UROS: variants seen among roughly 807,000 people sequenced by gnomAD.
The protein encoded by UROS is uroporphyrinogen III synthase.
In UROS, 18 loss-of-function variants were observed where a neutral mutation model predicts 33.0. That is an observed-to-expected ratio of 0.55 (90% CI 0.38 to 0.81). UROS has a LOEUF of 0.81. UROS is among the 30% of genes least tolerant of loss of function. The pLI, the probability that UROS is intolerant of heterozygous loss-of-function variation, is 0.00. For missense variants in UROS, 293 were observed against 314.9 expected, an observed-to-expected ratio of 0.93 and a Z score of 0.53; for synonymous variants, 114 against 121.1, an observed-to-expected ratio of 0.94 and a Z score of 0.38.
intron 1 of UROS, among the ~76,000 whole-genome samples, chr10:125,821,682 G>A (rs903236990): frequency 6.6e-6 from 1 of 152,188 alleles, no homozygotes; most frequent in East Asian, 1.9e-4. Context: ...ATTGGCTATG[G>A]TATCTCAGTG....
chr10:125,796,308 G>T (rs1851358827), intron 7 of UROS, 120 bp from the exon 8 acceptor site: 1 of 1,011,788 alleles, frequency 9.9e-7, no homozygotes, highest in Non-Finnish European at 1.6e-6. Context: ...GGAACGAGCT[G>T]CTTGGAAGCT....
chr10:125,822,154 G>A (rs953092596), intron 1 of UROS, among the ~76,000 whole-genome samples: 2 of 152,114 alleles, frequency 1.3e-5, no homozygotes, highest in African/African-American at 2.4e-5. Flanking sequence ...CTAGAAAGCT[G>A]ATGAACCCTG....
rs59115650 is a variant in UROS, at chr10:125,804,840, G to T, written c.394+2573C>A. On this transcript the variant is annotated intron_variant, in intron 6 of 9. Coordinates refer to ENST00000368797, the MANE Select transcript of UROS (RefSeq NM_000375.3). ...TCCACCCTGCCTTATCACGGTTACT[G>T]ATGTATATGTTCCCCACCCTACCCC... is the stretch of plus-strand genomic sequence containing the variant. 2.9e-3 allele frequency among the ~76,000 whole-genome samples: 440 copies of T among 152,304 alleles called. 6 individuals carry two copies. Among genetic ancestry groups the T allele is most frequent in the African/African-American group, 0.01 (426 of 41,556 alleles).
rs972957245 is a variant in UROS, at chr10:125,823,236, C to T, written c.-234G>A. The T allele has an allele frequency of 8.2e-6, 2 of 244,606 alleles. No homozygotes were observed. The highest frequency in any genetic ancestry group is 4.5e-5 in the African/African-American group (2 of 44,328). The allele number at this position is 244,606 out of a possible 1,614,324, so 15.2% of individuals were successfully genotyped here. On this transcript the variant is annotated 5_prime_UTR_variant, in exon 1 of 10. Coordinates refer to ENST00000368797, the MANE Select transcript of UROS (RefSeq NM_000375.3). ...GACTGGGGTCGCGTGGGTGGCTGCG[C>T]GCAGCTAGGCGCTCGCGCATGCGCA...
At position 125,816,193 on chromosome 10, in the gene UROS, G is replaced by C. The variant is rs773818595; in HGVS notation, c.131C>G (p.Pro44Arg). 5 of 1,614,068 alleles carry C rather than the reference G, an allele frequency of 3.1e-6. No individual in the cohort carries two copies. In the East Asian group the frequency reaches 1.1e-4, roughly 36 times the overall value. The change falls in exon 3 of 10, where the codon CCC becomes CGC. Residue 44 changes from proline (P) to arginine (R), a missense_variant. By Grantham distance (103) the Pro-to-Arg change is moderately radical (BLOSUM62 -2). Transcript: ENST00000368797. Reference sequence around the variant, plus strand: ...AGGCCTTACCTTCTCAGAGAAACTGGGAAGAGACAAAAACTCAAACGATAA... The same window carrying C: ...AGGCCTTACCTTCTCAGAGAAACTGCGAAGAGACAAAAACTCAAACGATAA... ...PVLSFEFLSLPSFSEKLSHPE... is the reference protein window; with the variant it reads ...PVLSFEFLSLRSFSEKLSHPE...
rs1589906527 is a variant in UROS, at chr10:125,788,883, G to A, written c.783C>T (p.Pro261=). The part of the protein sequence containing the change: ...LATGIRKALQ[P]HGCC ...GGTGGCTGACTCAGCAGCAGCCATG[G>A]GGCTGGAGAGCCTTCCTGATGCCAG... Residue 261 remains proline (P), a synonymous_variant, in exon 10 of 10, where the codon CCC becomes CCT. Coordinates refer to ENST00000368797, the MANE Select transcript of UROS (RefSeq NM_000375.3). 1 of 1,594,178 alleles carries A rather than the reference G, an allele frequency of 6.3e-7. No homozygotes were observed. The highest frequency in any genetic ancestry group is 8.5e-7 in the Non-Finnish European group (1 of 1,172,312).
chr10:125,817,528 C>T (rs981700728), intron 1 of UROS, among the ~76,000 whole-genome samples: 2 of 151,932 alleles, frequency 1.3e-5, no homozygotes. Context: ...TATGACTTAA[C>T]CATGGTGTGA....
At position 125,795,999 on chromosome 10, in the gene UROS, G is replaced by C. The variant is rs1851318891; in HGVS notation, c.561+104C>G. 7 of 1,025,740 alleles carry C rather than the reference G, an allele frequency of 6.8e-6. No individual in the cohort carries two copies. In the South Asian group the frequency reaches 8.9e-5, roughly 13 times the overall value. 63.5% of individuals were successfully genotyped at this position (1,025,740 alleles called of 1,614,324 possible). A position where few individuals can be genotyped will look rare whatever the true frequency, so the allele number is the denominator to read the frequency against. On this transcript the variant is annotated intron_variant, in intron 8 of 9. Transcript: ENST00000368797. ...GGCATGCAGGTGACAGCTGGGGACA[G>C]TGAAACCACATATAGAACCAACATC... is the stretch of plus-strand genomic sequence containing the variant.
In UROS at chr10:125,802,722, G is replaced by A; in HGVS notation, c.395-4577C>T. 7 of 1,381,272 alleles carry A rather than the reference G, an allele frequency of 5.1e-6. No homozygotes were observed. In the South Asian group the frequency reaches 9.7e-5, roughly 19 times the overall value. The allele number at this position is 1,381,272 out of a possible 1,614,324, so 85.6% of individuals were successfully genotyped here. ...CATGAAACATTCTAGAGAAAGCCTAGCAGTATCTCTTTAGGTACAGCCCAG... is the reference window on the plus strand; with the variant it reads ...CATGAAACATTCTAGAGAAAGCCTAACAGTATCTCTTTAGGTACAGCCCAG... On this transcript the variant is annotated intron_variant, in intron 6 of 9. Transcript: ENST00000368797.
chr10:125,823,255 A>C lies in UROS; in HGVS notation c.-253T>G. The C allele has an allele frequency of 1.1e-5, 3 of 281,580 alleles. No homozygotes were observed. The highest frequency in any genetic ancestry group is 5.1e-5 in the Admixed American group (1 of 19,472). The allele number at this position is 281,580 out of a possible 1,614,324, so 17.4% of individuals were successfully genotyped here. A position where few individuals can be genotyped will look rare whatever the true frequency, so the allele number is the denominator to read the frequency against. ...GCTGCGCGCAGCTAGGCGCTCGCGC[A>C]TGCGCACCGCCATCCAGGCCACGGA... On this transcript the variant is annotated 5_prime_UTR_variant, in exon 1 of 10. The change abolishes an upstream ATG in the 5' untranslated region. Transcript: ENST00000368797.
chr10:125,810,665 G>A (rs1200551013), intron 5 of UROS, among the ~76,000 whole-genome samples: 1 of 152,186 alleles, frequency 6.6e-6, no homozygotes, highest in Non-Finnish European at 1.5e-5. Context: ...AGCTGTTGGT[G>A]CTCAACTTCT....
At chr10:125,813,234 C>A (rs1852970626) in intron 4 of UROS, among the ~76,000 whole-genome samples, 1 of 152,118 alleles carries the variant, frequency 6.6e-6, no homozygotes, top group South Asian at 2.1e-4. Flanking sequence ...CGTGTGTGTC[C>A]CAGGTAAGTC....
In UROS at chr10:125,815,756, C is replaced by A. The variant is rs139179438; in HGVS notation, c.147+421G>T. ...AGAAGCCCTGGGTTTGAGTCCCAGC[C>A]CTGTCTCTTACTTGCTAGAGGTCTT... On this transcript the variant is annotated intron_variant, in intron 3 of 9. Transcript: ENST00000368797. 6.2e-3 allele frequency among the ~76,000 whole-genome samples: 949 copies of A among 152,316 alleles called. 10 individuals carry two copies. The Middle Eastern group carries it at 0.085, about 14-fold the overall frequency.
chr10:125,821,275 TC>T (rs1177415128), intron 1 of UROS, among the ~76,000 whole-genome samples: 1 of 152,194 alleles, frequency 6.6e-6, no homozygotes, highest in Non-Finnish European at 1.5e-5. Context: ...CAAAATGTGG[TC>T]TATACATGCA....
intron 1 of UROS, among the ~76,000 whole-genome samples, chr10:125,819,183 C>T (rs749851999): frequency 4.7e-4 from 71 of 152,170 alleles, no homozygotes; most frequent in Non-Finnish European, 1.5e-4. Context: ...GGGGTTTCAG[C>T]ATGTTGGCCA....
chr10:125,815,238 C>T (rs1853204852), intron 3 of UROS, 108 bp from the exon 4 acceptor site: 9 of 1,213,616 alleles, frequency 7.4e-6, no homozygotes, highest in Non-Finnish European at 1.1e-5. Context: ...AGTAGGCAAA[C>T]TAATTCCTTC....
At chr10:125,790,968 T>C (rs539980228) in intron 9 of UROS, among the ~76,000 whole-genome samples, 2 of 144,480 alleles carry the variant, frequency 1.4e-5, no homozygotes, top group Admixed American at 1.4e-4. Flanking sequence ...GGCGTGCACC[T>C]GTAATCCCAG....
intron 3 of UROS, 47 bp downstream of exon 3, chr10:125,816,130 G>T (rs970586331): frequency 6.4e-7 from 1 of 1,551,174 alleles, no homozygotes; most frequent in Non-Finnish European, 8.9e-7. Context: ...CAGCTGGCAA[G>T]GGAGAAATCA....
rs963339028 is a variant in UROS, at chr10:125,807,395, T to A, written c.394+18A>T. On this transcript the variant is annotated intron_variant, in intron 6 of 9. Coordinates refer to ENST00000368797, the MANE Select transcript of UROS (RefSeq NM_000375.3). ...AAAAAATAAATGGCTTCATTTGGAG[T>A]GATGTTTTTCTACTTACTGGAACAA... 3 of 1,609,324 alleles carry A rather than the reference T, an allele frequency of 1.9e-6. No individual in the cohort carries two copies. Among genetic ancestry groups the A allele is most frequent in the Non-Finnish European group, 2.6e-6 (3 of 1,175,990 alleles).
Sources: allele counts gnomAD v4.1 joint callset (sites outside exome capture counted in the v4.1 genomes callset), GRCh38; gene constraint gnomAD v4.1.1; transcripts MANE v1.5; gene names NCBI Gene and HGNC (gene_info 2026-07-23, HGNC 2026-07-21).